Variants in LAMC2 observed in about 807,000 individuals in gnomAD.
LAMC2 encodes laminin subunit gamma-2.
LAMC2 carries 97 observed loss-of-function variants against 140.2 expected under a neutral mutation model. That is an observed-to-expected ratio of 0.69 (90% CI 0.59 to 0.82). The LOEUF (loss-of-function observed/expected upper bound fraction) is 0.82. Among genes scored for constraint, LAMC2 ranks in the 40% least tolerant of loss-of-function variants. The probability of loss-of-function intolerance (pLI) is 0.00; values close to 1 mark genes in which losing one functional copy is unlikely to be tolerated. For missense variants in LAMC2, 1,402 were observed against 1,476.1 expected (o/e 0.95, Z 0.82); for synonymous variants, 513 against 540.2 (o/e 0.95, Z 0.70).
At chr1:183,211,252 A>T (rs1017631718) in intron 2 of LAMC2, among the ~76,000 whole-genome samples, 1 of 152,188 alleles carries the variant, frequency 6.6e-6, no homozygotes, top group African/African-American at 2.4e-5. Flanking sequence ...CCTTTTGCAG[A>T]TACTTTGAAA....
In LAMC2 at chr1:183,208,208, G is replaced by A. The variant is rs1658959759; in HGVS notation, c.268+139G>A. Reference sequence around the variant, plus strand: ...AACAGGGAAAGCAAGCAGGCCAAGAGGGAGATGTTCAACCTCACCAACAAC... The same window carrying A: ...AACAGGGAAAGCAAGCAGGCCAAGAAGGAGATGTTCAACCTCACCAACAAC... On this transcript the variant is annotated intron_variant, in intron 2 of 22. Coordinates refer to ENST00000264144, the MANE Select transcript of LAMC2 (RefSeq NM_005562.3). 6 of 839,850 alleles carry A rather than the reference G, an allele frequency of 7.1e-6. No homozygotes were observed. In the South Asian group the frequency reaches 8.5e-5, roughly 12 times the overall value. The allele number at this position is 839,850 out of a possible 1,614,324, so 52.0% of individuals were successfully genotyped here.
intron 22 of LAMC2, chr1:183,240,666 A>T: frequency 7.4e-7 from 1 of 1,349,366 alleles, no homozygotes; most frequent in East Asian, 3.0e-5. Flanking sequence ...GCAACTTCAC[A>T]GAACACGAGA....
rs780621237 is a variant in LAMC2, at chr1:183,236,572, C to T, written c.2569C>T (p.Arg857Trp). Residue 857 changes from arginine to tryptophan, a missense_variant, in exon 17 of 23, where the codon CGG becomes TGG. Physicochemically the swap from Arg to Trp is moderately radical, Grantham distance 101. Transcript: ENST00000264144. ...TCTCCGCCTCCTGGATTCAGTGTCT[C>T]GGCTTCAGGGAGTCAGTGATCAGTC... ...HSLRLLDSVS[R>W]LQGVSDQSFQ... 2.3e-5 allele frequency: 37 copies of T among 1,613,970 alleles called. No individual in the cohort carries two copies. In the East Asian group the frequency reaches 5.8e-4, roughly 25 times the overall value.
intron 3 of LAMC2, among the ~76,000 whole-genome samples, chr1:183,217,991 C>A (rs755543365): frequency 6.6e-6 from 1 of 152,184 alleles, no homozygotes; most frequent in Non-Finnish European, 1.5e-5. Flanking sequence ...TGGAATTAAT[C>A]ATGATAAAAA....
intron 1 of LAMC2, among the ~76,000 whole-genome samples, chr1:183,201,764 T>A (rs1200079611): frequency 6.6e-6 from 1 of 152,162 alleles, no homozygotes; most frequent in Non-Finnish European, 1.5e-5. Flanking sequence ...AAATATTCCA[T>A]TGTATTTCAG....
In LAMC2 at chr1:183,226,682, G is replaced by A. The variant is rs1659634980; in HGVS notation, c.1067-16G>A. ...CTGTACCACTTGCAACTTCTAACCT[G>A]TTCTCTCGATTGCAGGTACTGGGTA... On this transcript the variant is annotated splice_polypyrimidine_tract_variant and intron_variant, in intron 8 of 22. Transcript: ENST00000264144. 1 of 1,609,964 alleles carries A rather than the reference G, an allele frequency of 6.2e-7. No individual in the cohort carries two copies. Among genetic ancestry groups the A allele is most frequent in the African/African-American group, 1.3e-5 (1 of 74,838 alleles).
chr1:183,242,356 G>A (rs144157408), intron 22 of LAMC2, among the ~76,000 whole-genome samples: 2 of 152,244 alleles, frequency 1.3e-5, no homozygotes, highest in East Asian at 3.9e-4. Flanking sequence ...AATTGTTCTA[G>A]GTATAATAAA....
In LAMC2 at chr1:183,198,972, G is replaced by GT. The variant is rs1243572871; in HGVS notation, c.80-8902dup. Reference sequence around the variant, plus strand: ...ATGGATTTTTTTGCTTGGAACATTAGTTTTTTTACACTGAATGTCATATAT... The same window carrying GT: ...ATGGATTTTTTTGCTTGGAACATTAGTTTTTTTTACACTGAATGTCATATAT... On this transcript the variant is annotated intron_variant, in intron 1 of 22. Coordinates refer to ENST00000264144, the MANE Select transcript of LAMC2 (RefSeq NM_005562.3). 9.2e-5 allele frequency among the ~76,000 whole-genome samples: 14 copies of GT among 151,602 alleles called. No individual in the cohort carries two copies. In the South Asian group the frequency reaches 1.0e-3, roughly 11 times the overall value.
At chr1:183,235,391 G>T (rs1319213929) in intron 15 of LAMC2, among the ~76,000 whole-genome samples, 184 bp from the exon 16 acceptor site, 1 of 152,200 alleles carries the variant, frequency 6.6e-6, no homozygotes, top group Admixed American at 6.5e-5. Context: ...ATGACATAAG[G>T]CGAATTCTCC....
In LAMC2 at chr1:183,218,376, T is replaced by G. The variant is rs1659344817; in HGVS notation, c.405-14T>G. On this transcript the variant is annotated splice_polypyrimidine_tract_variant and intron_variant, in intron 3 of 22. Transcript: ENST00000264144. ...TGGAAGCATGTCCCTAATTTTCTTT[T>G]TCTTCTTCCCCAGAGACTCCAAGTG... The G allele has an allele frequency of 6.2e-7, 1 of 1,609,760 alleles. No homozygotes were observed. Among genetic ancestry groups the G allele is most frequent in the African/African-American group, 1.3e-5 (1 of 74,866 alleles).
At chr1:183,209,038 G>C (rs1267037302) in intron 2 of LAMC2, among the ~76,000 whole-genome samples, 1 of 150,346 alleles carries the variant, frequency 6.7e-6, no homozygotes, top group Non-Finnish European at 1.5e-5. Context: ...TATAACTGTA[G>C]GTCTTTGCTG....
chr1:183,229,935 C>T (rs1201507022), intron 11 of LAMC2, among the ~76,000 whole-genome samples: 2 of 152,098 alleles, frequency 1.3e-5, no homozygotes, highest in Non-Finnish European at 2.9e-5. Flanking sequence ...GAGTTCAAGT[C>T]CAGTTTTGTA....
At chr1:183,246,165 G>A (rs371305114), downstream of LAMC2, among the ~76,000 whole-genome samples, 3 of 129,072 alleles carry the variant, frequency 2.3e-5, no homozygotes, top group Admixed American at 8.4e-5. Context: ...GCAAGACTCC[G>A]TCTCAAAAAA....
At chr1:183,232,135 C>A in intron 12 of LAMC2, 52 bp from the exon 13 acceptor site, 1 of 1,604,920 alleles carries the variant, frequency 6.2e-7, no homozygotes, top group Non-Finnish European at 8.5e-7. Flanking sequence ...TTGGATGATC[C>A]CTTGGGTACA....
Position 183,243,974 on chromosome 1 carries a change from G to A in LAMC2, c.*574G>A, listed in dbSNP as rs1183253045. 5.8e-6 allele frequency: 1 copy of A among 172,826 alleles called. No individual in the cohort carries two copies. Among genetic ancestry groups the A allele is most frequent in the East Asian group, 1.5e-4 (1 of 6,744 alleles). 10.7% of individuals were successfully genotyped at this position (172,826 alleles called of 1,614,324 possible). ...TCTCCATTTTCAAGCTGGAAGAAGTGAGCAGTGTTGGAGTGAGGACCTGTA... is the reference window on the plus strand; with the variant it reads ...TCTCCATTTTCAAGCTGGAAGAAGTAAGCAGTGTTGGAGTGAGGACCTGTA... On this transcript the variant is annotated 3_prime_UTR_variant, in exon 23 of 23. Transcript: ENST00000264144.
At chr1:183,251,758 A>G in the LAMC2 span, 1 of 153,772 alleles carries the variant, frequency 6.5e-6, no homozygotes, top group Non-Finnish European at 1.5e-5. Flanking sequence ...GTCATTTGAA[A>G]CTAAGAAAAC....
chr1:183,199,626 G>C (rs1658643462), intron 1 of LAMC2, among the ~76,000 whole-genome samples: 2 of 152,132 alleles, frequency 1.3e-5, no homozygotes, highest in African/African-American at 4.8e-5. Context: ...GAAGAAGTAA[G>C]TCATAGACAT....
rs775512741 is a variant in LAMC2 at position 183,227,702 on chromosome 1, G to A, written c.1468+5G>A. ...ACTGCCCTCCCGGGGTCACCGGTAA[G>A]GCCATGGGTCTGCTCTGCCACCTGC... On this transcript the variant is annotated splice_donor_5th_base_variant and intron_variant, in intron 10 of 22. Transcript: ENST00000264144. 8 of 1,614,054 alleles carry A rather than the reference G, an allele frequency of 5.0e-6. No individual in the cohort carries two copies. The highest frequency in any genetic ancestry group is 1.7e-4 in the Middle Eastern group (1 of 6,058).
chr1:183,256,994 G>C, the LAMC2 span, among the ~76,000 whole-genome samples: 42,898 of 151,646 alleles, frequency 0.28, 7,563 homozygotes, highest in African/African-American at 0.49. Flanking sequence ...TCAAGTGATC[G>C]ATCTGCCTTG....
Sources: allele counts gnomAD v4.1 joint callset (sites outside exome capture counted in the v4.1 genomes callset), GRCh38; gene constraint gnomAD v4.1.1; transcripts MANE v1.5; gene names NCBI Gene and HGNC (gene_info 2026-07-23, HGNC 2026-07-21).